The following PRKG1 variants were observed in gnomAD, a reference collection of about 807,000 sequenced individuals.
PRKG1 encodes cGMP-dependent protein kinase 1.
A neutral mutation model predicts 88.1 loss-of-function variants in PRKG1; 35 were observed. The observed-to-expected ratio is 0.40, with a 90% CI of 0.30 to 0.53. PRKG1 has a LOEUF of 0.53. Among genes scored for constraint, PRKG1 ranks in the 20% least tolerant of loss-of-function variants. The pLI, the probability that PRKG1 is intolerant of heterozygous loss-of-function variation, is 0.59. For missense variants in PRKG1, 540 were observed against 839.8 expected, an observed-to-expected ratio of 0.64 and a Z score of 4.41; for synonymous variants, 303 against 292.5, an observed-to-expected ratio of 1.04 and a Z score of -0.37.
intron 3 of PRKG1, among the ~76,000 whole-genome samples, chr10:51,576,348 G>C (rs1450705247): frequency 6.6e-6 from 1 of 151,808 alleles, no homozygotes; most frequent in Non-Finnish European, 1.5e-5. Flanking sequence ...ATGTTGTTAT[G>C]TACACTACCT....
intron 2 of PRKG1, among the ~76,000 whole-genome samples, chr10:51,385,791 A>G (rs1301860191): frequency 2.0e-5 from 3 of 152,160 alleles, no homozygotes; most frequent in African/African-American, 4.8e-5. Context: ...TTCTTCTACT[A>G]TATTTCTTTG....
At chr10:52,036,318 C>G (rs948791003) in intron 5 of PRKG1, among the ~76,000 whole-genome samples, 7 of 151,940 alleles carry the variant, frequency 4.6e-5, no homozygotes, top group East Asian at 3.9e-4. Flanking sequence ...GGGTTTGGCA[C>G]TACGGGGTGG....
At chr10:52,190,566 A>G (rs1250460587) in intron 9 of PRKG1, among the ~76,000 whole-genome samples, 1 of 152,116 alleles carries the variant, frequency 6.6e-6, no homozygotes, top group Non-Finnish European at 1.5e-5. Context: ...ATTTTACCTG[A>G]TTTTACAGAT....
intron 3 of PRKG1, among the ~76,000 whole-genome samples, chr10:51,779,211 C>T (rs1024224274): frequency 6.6e-6 from 1 of 152,134 alleles, no homozygotes; most frequent in South Asian, 2.1e-4. Context: ...TACTTGGTTA[C>T]AAGAATTCCT....
intron 1 of PRKG1, among the ~76,000 whole-genome samples, chr10:51,014,067 G>T (rs1843025818): frequency 6.6e-6 from 1 of 152,190 alleles, no homozygotes; most frequent in Admixed American, 6.5e-5. Context: ...TGACATTTTT[G>T]AGGGCAATGG....
intron 4 of PRKG1, among the ~76,000 whole-genome samples, chr10:51,815,551 T>G (rs561865927): frequency 2.5e-4 from 38 of 152,174 alleles, no homozygotes; most frequent in African/African-American, 8.2e-4. Flanking sequence ...AAATAAATAC[T>G]AGGGCAATTT....
intron 17 of PRKG1, among the ~76,000 whole-genome samples, chr10:52,293,467 C>CA (rs575701353): frequency 2.4e-4 from 36 of 152,182 alleles, no homozygotes; most frequent in East Asian, 1.4e-3. Context: ...AATCCTGAGC[C>CA]AAAGAACAAA....
chr10:51,721,568 A>C (rs1842014187), intron 3 of PRKG1, among the ~76,000 whole-genome samples: 1 of 152,194 alleles, frequency 6.6e-6, no homozygotes. Flanking sequence ...CCTTGGATCT[A>C]TTACTCCAAG....
At chr10:52,040,052 T>TC (rs1845718112) in intron 5 of PRKG1, among the ~76,000 whole-genome samples, 1 of 152,156 alleles carries the variant, frequency 6.6e-6, no homozygotes, top group South Asian at 2.1e-4. Context: ...GTAATTTAAT[T>TC]CTCTCTTTCC....
chr10:51,668,487 A>G (rs1247125258), intron 3 of PRKG1, among the ~76,000 whole-genome samples: 1 of 152,316 alleles, frequency 6.6e-6, no homozygotes, highest in South Asian at 2.1e-4. Flanking sequence ...AGCTTACTGC[A>G]GCCCTTAACT....
intron 2 of PRKG1, among the ~76,000 whole-genome samples, chr10:51,319,238 T>C (rs1297679799): frequency 6.6e-6 from 1 of 152,202 alleles, no homozygotes; most frequent in East Asian, 1.9e-4. Context: ...CAGTGCTCTC[T>C]TTTCTGCTTC....
chr10:51,458,216 A>G (rs576204560), intron 2 of PRKG1, among the ~76,000 whole-genome samples: 2 of 152,316 alleles, frequency 1.3e-5, no homozygotes, highest in South Asian at 4.1e-4. Context: ...GAAATGTATT[A>G]TACCACTGGG....
chr10:51,224,499 A>G (rs1408859973), intron 2 of PRKG1, among the ~76,000 whole-genome samples: 2 of 152,254 alleles, frequency 1.3e-5, no homozygotes, highest in Non-Finnish European at 2.9e-5. Flanking sequence ...TTTGTGCTTG[A>G]GAAATTTTTC....
chr10:51,552,721 A>G (rs1247196047), intron 3 of PRKG1, among the ~76,000 whole-genome samples: 1 of 151,624 alleles, frequency 6.6e-6, no homozygotes, highest in Non-Finnish European at 1.5e-5. Context: ...GAAATGTTTA[A>G]TGTAATCCAG....
chr10:51,683,389 TTAAAAA>T (rs1840899167), intron 3 of PRKG1, among the ~76,000 whole-genome samples: 1 of 152,058 alleles, frequency 6.6e-6, no homozygotes, highest in Non-Finnish European at 1.5e-5. Context: ...ATAGCTATAA[TTAAAAA>T]TAAAAAAACA....
chr10:51,209,686 A>G (rs2132070497), intron 2 of PRKG1, among the ~76,000 whole-genome samples: 1 of 152,270 alleles, frequency 6.6e-6, no homozygotes, highest in Non-Finnish European at 1.5e-5. Flanking sequence ...TAATTATCAC[A>G]AAGAGATGGT....
intron 1 of PRKG1, among the ~76,000 whole-genome samples, chr10:51,111,898 C>T (rs746969424): frequency 6.6e-6 from 1 of 152,130 alleles, no homozygotes; most frequent in Non-Finnish European, 1.5e-5. Context: ...TATAAAGCCA[C>T]AGTGTATGTC....
chr10:51,373,034 T>G (rs1296364179), intron 2 of PRKG1, among the ~76,000 whole-genome samples: 1 of 152,190 alleles, frequency 6.6e-6, no homozygotes, highest in Non-Finnish European at 1.5e-5. Flanking sequence ...CAGGGTTATT[T>G]TAGCATCTTA....
At chr10:51,776,435 A>AT (rs1374138975) in intron 3 of PRKG1, among the ~76,000 whole-genome samples, 2 of 152,154 alleles carry the variant, frequency 1.3e-5, no homozygotes, top group Non-Finnish European at 2.9e-5. Flanking sequence ...CCTGACGACT[A>AT]TTTTTAATAC....
Sources: allele counts gnomAD v4.1 joint callset (sites outside exome capture counted in the v4.1 genomes callset), GRCh38; gene constraint gnomAD v4.1.1; transcripts MANE v1.5; gene names NCBI Gene and HGNC (gene_info 2026-07-23, HGNC 2026-07-21).